ADARB1: variants seen among roughly 807,000 people sequenced by gnomAD.
The protein encoded by ADARB1 is double-stranded RNA-specific editase 1.
Under a neutral mutation model 52.4 loss-of-function variants are expected in ADARB1, and 10 were observed. The observed-to-expected ratio is 0.19, with a 90% CI of 0.12 to 0.32. The LOEUF is 0.32. Ranked by LOEUF, ADARB1 falls within the 10% of genes least tolerant of loss-of-function variation. The pLI is 1.00. For synonymous variants in ADARB1, 349 were observed against 371.1 expected, an observed-to-expected ratio of 0.94 and a Z score of 0.68; for missense variants, 643 against 922.3, an observed-to-expected ratio of 0.70 and a Z score of 3.92.
intron 1 of ADARB1, among the ~76,000 whole-genome samples, chr21:45,127,636 G>A (rs116489385): frequency 3.8e-4 from 58 of 152,184 alleles, no homozygotes; most frequent in African/African-American, 1.3e-3. Flanking sequence ...AGCGAGAGTC[G>A]AGCCACTTTC....
chr21:45,080,030 A>G (rs1037254402), intron 1 of ADARB1, among the ~76,000 whole-genome samples: 1 of 152,186 alleles, frequency 6.6e-6, no homozygotes, highest in African/African-American at 2.4e-5. Context: ...CTGGAAACCA[A>G]GACACCGAGG....
Position 45,204,881 on chromosome 21 carries a change from T to A in ADARB1, c.1747+145T>A, listed in dbSNP as rs893821446. On this transcript the variant is annotated intron_variant, in intron 9 of 10. Coordinates refer to ENST00000348831, the MANE Select transcript of ADARB1 (RefSeq NM_001112.4). This position sits in a 1 kb window ranked among gnomAD's most constrained non-coding sequence, Gnocchi z 4.4. ...CCTTCTAAAGAGACCCAAGGTGATG[T>A]TTCTGAGGCTCTCCGGGCCTTGTCT... 6.4e-5 allele frequency: 55 copies of A among 858,084 alleles called. No homozygotes were observed. The highest frequency in any genetic ancestry group is 9.0e-5 in the Non-Finnish European group (52 of 575,294). 53.2% of individuals were successfully genotyped at this position (858,084 alleles called of 1,614,324 possible). A position where few individuals can be genotyped will look rare whatever the true frequency, so the allele number is the denominator to read the frequency against.
At chr21:45,138,952 G>T (rs1347161281) in intron 2 of ADARB1, among the ~76,000 whole-genome samples, 4 of 148,400 alleles carry the variant, frequency 2.7e-5, no homozygotes, top group African/African-American at 5.0e-5. Context: ...ACAGAGTCTC[G>T]CTCTGTTGCC....
At chr21:45,089,818 T>G (rs926044987) in intron 1 of ADARB1, among the ~76,000 whole-genome samples, 6 of 152,258 alleles carry the variant, frequency 3.9e-5, no homozygotes, top group Non-Finnish European at 8.8e-5. Context: ...GGTTTTTGTA[T>G]GTTGTGTCCA....
intron 2 of ADARB1, among the ~76,000 whole-genome samples, chr21:45,136,604 A>ATGTGGGGACAGACCAGTCC: frequency 6.6e-6 from 1 of 152,216 alleles, no homozygotes; most frequent in African/African-American, 2.4e-5. Context: ...CTGGGGACAA[A>ATGTGGGGACAGACCAGTCC]TGTGGGGACA....
At chr21:45,164,989 C>CG (rs2091184802) in intron 2 of ADARB1, among the ~76,000 whole-genome samples, 1 of 152,084 alleles carries the variant, frequency 6.6e-6, no homozygotes, top group Admixed American at 6.6e-5. Context: ...ACCTGCTGCC[C>CG]GGGATGGCCA....
At chr21:45,125,710 T>C (rs1158757837) in intron 1 of ADARB1, among the ~76,000 whole-genome samples, 1 of 152,266 alleles carries the variant, frequency 6.6e-6, no homozygotes, top group Non-Finnish European at 1.5e-5. Flanking sequence ...TTGGGCTTTT[T>C]CTCTTGTGTT....
chr21:45,109,327 T>C (rs140518083), intron 1 of ADARB1, among the ~76,000 whole-genome samples: 3 of 152,128 alleles, frequency 2.0e-5, no homozygotes, highest in Non-Finnish European at 2.9e-5. Context: ...CGCGTGTGCG[T>C]ATATGTGTGT....
chr21:45,220,802 G>T lies in ADARB1; in HGVS notation c.1748-34G>T, dbSNP rs1193456153. 2 of 1,602,674 alleles carry T rather than the reference G, an allele frequency of 1.2e-6. No individual in the cohort carries two copies. The highest frequency in any genetic ancestry group is 1.1e-5 in the South Asian group (1 of 90,628). On this transcript the variant is annotated intron_variant, in intron 9 of 10. Coordinates refer to ENST00000348831, the MANE Select transcript of ADARB1 (RefSeq NM_001112.4). The surrounding 1 kb of genome is among the most constrained non-coding windows in gnomAD (Gnocchi z 6.3). ...GCTCCCTCCCTGGGGGTGAAAGCGG[G>T]CTTCACACCACCTTCCTGTGTCTTC...
intron 1 of ADARB1, among the ~76,000 whole-genome samples, chr21:45,109,023 TGAG>T (rs2087387199): frequency 6.6e-6 from 1 of 152,204 alleles, no homozygotes; most frequent in African/African-American, 2.4e-5. Context: ...GCAAAAGGAC[TGAG>T]TAAGTCCTTG....
intron 7 of ADARB1, 102 bp from the exon 8 acceptor site, chr21:45,184,821 C>G: frequency 1.6e-6 from 2 of 1,274,732 alleles, no homozygotes; most frequent in African/African-American, 1.5e-5. Context: ...TTTATATGCA[C>G]AGACTGTATT....
chr21:45,113,471 A>G (rs1003748545), intron 1 of ADARB1, among the ~76,000 whole-genome samples: 8 of 145,634 alleles, frequency 5.5e-5, no homozygotes, highest in African/African-American at 2.0e-4. Flanking sequence ...GTGTGTGTAT[A>G]TATATATATG....
rs1206803057 is a variant in ADARB1 at position 45,224,793 on chromosome 21, C to T, written c.*2596C>T. 2 of 983,382 alleles carry T rather than the reference C, an allele frequency of 2.0e-6. No individual in the cohort carries two copies. Among genetic ancestry groups the T allele is most frequent in the Non-Finnish European group, 2.4e-6 (2 of 829,372 alleles). 60.9% of individuals were successfully genotyped at this position (983,382 alleles called of 1,614,324 possible). A position where few individuals can be genotyped will look rare whatever the true frequency, so the allele number is the denominator to read the frequency against. ...AGGCTCTGCACTGCTCCTAGGACAG[C>T]TCATCTGTAATCAGAAAAAAAATAA... On this transcript the variant is annotated 3_prime_UTR_variant, in exon 11 of 11. Coordinates refer to ENST00000348831, the MANE Select transcript of ADARB1 (RefSeq NM_001112.4).
chr21:45,117,296 G>A (rs540847095), intron 1 of ADARB1, among the ~76,000 whole-genome samples: 2 of 152,230 alleles, frequency 1.3e-5, no homozygotes, highest in South Asian at 2.1e-4. Context: ...AAGTTGGTTT[G>A]CTTTTTGTGC....
intron 2 of ADARB1, among the ~76,000 whole-genome samples, chr21:45,165,060 C>T (rs1369717329): frequency 6.6e-6 from 1 of 152,172 alleles, no homozygotes; most frequent in Non-Finnish European, 1.5e-5. Flanking sequence ...CCCCCTGGAG[C>T]GCCCAGGCCT....
At chr21:45,097,797 A>G (rs879716412) in intron 1 of ADARB1, among the ~76,000 whole-genome samples, 6 of 152,098 alleles carry the variant, frequency 3.9e-5, no homozygotes, top group Non-Finnish European at 5.9e-5. Context: ...GCAATTCCAG[A>G]GACAAACCGC....
At position 45,222,501 on chromosome 21, in the gene ADARB1, G is replaced by C. The variant is rs907456758; in HGVS notation, c.*304G>C. 4.3e-6 allele frequency: 5 copies of C among 1,170,964 alleles called. No individual in the cohort carries two copies. Among genetic ancestry groups the C allele is most frequent in the Non-Finnish European group, 4.2e-6 (4 of 948,476 alleles). The allele number at this position is 1,170,964 out of a possible 1,614,324, so 72.5% of individuals were successfully genotyped here. A position where few individuals can be genotyped will look rare whatever the true frequency, so the allele number is the denominator to read the frequency against. On this transcript the variant is annotated 3_prime_UTR_variant, in exon 11 of 11. Transcript: ENST00000348831. ...ATCTCGGTTTACGTTTAGAAATTGA[G>C]TTCTACTGAGTAGGGCTTCCTTAAG... is the stretch of plus-strand genomic sequence containing the variant.
At chr21:45,211,562 A>T (rs1219492759) in intron 9 of ADARB1, among the ~76,000 whole-genome samples, 1 of 152,168 alleles carries the variant, frequency 6.6e-6, no homozygotes, top group Non-Finnish European at 1.5e-5. Flanking sequence ...TGATTACCCT[A>T]CTGTATGAGG....
chr21:45,127,849 T>C, intron 1 of ADARB1, among the ~76,000 whole-genome samples: 1 of 152,192 alleles, frequency 6.6e-6, no homozygotes, highest in East Asian at 1.9e-4. Context: ...ATAATTATAT[T>C]AGCATGTTGA....
Sources: gnomAD v4.1 joint callset for allele counts (sites outside exome capture counted in the v4.1 genomes callset) on GRCh38, gnomAD v4.1.1 for gene constraint, Gnocchi (gnomAD v3.1) non-coding constraint, MANE v1.5 for transcripts, NCBI Gene and HGNC (gene_info 2026-07-23, HGNC 2026-07-21) for gene names.